PARP4: variants seen among roughly 807,000 people sequenced by gnomAD.
The protein encoded by PARP4 is protein mono-ADP-ribosyltransferase PARP4.
A neutral mutation model predicts 187.7 loss-of-function variants in PARP4; 120 were observed. The ratio of observed to expected loss-of-function variants is 0.64; its 90% confidence interval spans 0.55 to 0.74. The LOEUF (loss-of-function observed/expected upper bound fraction) is 0.74. Ranked by LOEUF, PARP4 falls within the 30% of genes least tolerant of loss-of-function variation. PARP4 has a pLI of 0.00. For missense variants in PARP4, 1,836 were observed against 2,070.5 expected, an observed-to-expected ratio of 0.89 and a Z score of 2.20; for synonymous variants, 654 against 740.9, an observed-to-expected ratio of 0.88 and a Z score of 1.90.
At chr13:24,424,935 G>A (rs1487302523) in intron 33 of PARP4, among the ~76,000 whole-genome samples, 5 of 151,162 alleles carry the variant, frequency 3.3e-5, no homozygotes, top group African/African-American at 9.8e-5. Flanking sequence ...TGCCCACCTC[G>A]GCCTCCCAAA....
intron 10 of PARP4, among the ~76,000 whole-genome samples, chr13:24,487,365 T>C (rs1873621211): frequency 6.6e-6 from 1 of 152,136 alleles, no homozygotes; most frequent in South Asian, 2.1e-4. Context: ...GTGACATTTA[T>C]TGGAATGTGG....
chr13:24,458,560 G>A (rs1872010959), intron 20 of PARP4, among the ~76,000 whole-genome samples: 1 of 152,042 alleles, frequency 6.6e-6, no homozygotes. Context: ...CTGGGTGACA[G>A]AGCAAGACCC....
At chr13:24,511,548 T>C (rs1050094770) in intron 1 of PARP4, among the ~76,000 whole-genome samples, 1 of 152,208 alleles carries the variant, frequency 6.6e-6, no homozygotes, top group African/African-American at 2.4e-5. Context: ...TCACAAACTC[T>C]TGGCTGCTCC....
At chr13:24,486,649 A>G (rs1873573673) in intron 10 of PARP4, among the ~76,000 whole-genome samples, 1 of 152,166 alleles carries the variant, frequency 6.6e-6, no homozygotes, top group Non-Finnish European at 1.5e-5. Flanking sequence ...TTCAACAACA[A>G]TAAAAAAGAA....
chr13:24,464,551 G>T (rs559027648), intron 17 of PARP4, among the ~76,000 whole-genome samples: 2 of 152,280 alleles, frequency 1.3e-5, no homozygotes, highest in South Asian at 2.1e-4. Flanking sequence ...ATGGGGAAAA[G>T]ATTCCCTATT....
rs1184284558 is a variant in PARP4 at position 24,473,524 on chromosome 13, A to AACCTGG, written c.1914+1947_1914+1948insCCAGGT. Among the ~76,000 whole-genome samples, 285 of 152,354 alleles carry AACCTGG rather than the reference A, an allele frequency of 1.9e-3. 1 individual carries two copies. The highest frequency in any genetic ancestry group is 6.3e-3 in the African/African-American group (263 of 41,576). On this transcript the variant is annotated intron_variant, in intron 15 of 33. Coordinates refer to ENST00000381989, the MANE Select transcript of PARP4 (RefSeq NM_006437.4). Reference sequence around the variant, plus strand: ...TAAAACATAGAGAAGGGTATAGAGAAGGAAGCAGTTCCAGCAATTCCCCTC... The same window carrying AACCTGG: ...TAAAACATAGAGAAGGGTATAGAGAAACCTGGGGAAGCAGTTCCAGCAATTCCCCTC...
At chr13:24,439,144 C>A (rs1356843820) in intron 30 of PARP4, among the ~76,000 whole-genome samples, 1 of 151,932 alleles carries the variant, frequency 6.6e-6, no homozygotes, top group Non-Finnish European at 1.5e-5. Flanking sequence ...AATTTAGAAC[C>A]AATTTTGAAA....
intron 12 of PARP4, among the ~76,000 whole-genome samples, chr13:24,478,970 G>C (rs1873124962): frequency 1.3e-5 from 2 of 152,172 alleles, no homozygotes; most frequent in African/African-American, 2.4e-5. Context: ...GCTCAGAAAG[G>C]AATAAGAACC....
Position 24,445,059 on chromosome 13 carries a change from T to C in PARP4, c.3367-1329A>G, listed in dbSNP as rs928930336. ...CTTCCCCTCACCCTCCCACAACCTG[T>C]CCCCACCTCCCCCAGGAGCCCCACA... is the stretch of plus-strand genomic sequence containing the variant. On this transcript the variant is annotated intron_variant, in intron 27 of 33. Coordinates refer to ENST00000381989, the MANE Select transcript of PARP4 (RefSeq NM_006437.4). Among the ~76,000 whole-genome samples, 58 of 151,662 alleles carry C rather than the reference T, an allele frequency of 3.8e-4. 1 individual carries two copies. Among genetic ancestry groups the C allele is most frequent in the Non-Finnish European group, 6.9e-4 (47 of 67,660 alleles).
chr13:24,512,355 G>A (rs1236073397), intron 1 of PARP4, among the ~76,000 whole-genome samples: 4 of 152,210 alleles, frequency 2.6e-5, no homozygotes, highest in Non-Finnish European at 5.9e-5. Flanking sequence ...AGGAAAGAAG[G>A]CCGTTTGGCA....
intron 31 of PARP4, among the ~76,000 whole-genome samples, chr13:24,432,904 T>C (rs1870418606): frequency 6.6e-6 from 1 of 152,080 alleles, no homozygotes. Context: ...GAAAGCAGGG[T>C]GTGGTCCTAG....
At chr13:24,447,599 G>A (rs1389426313) in intron 25 of PARP4, among the ~76,000 whole-genome samples, 6 of 152,220 alleles carry the variant, frequency 3.9e-5, no homozygotes, top group Admixed American at 6.5e-5. Flanking sequence ...GACCTCAGGT[G>A]AGCCATCTGC....
intron 22 of PARP4, among the ~76,000 whole-genome samples, chr13:24,454,488 T>C (rs1293861206): frequency 6.6e-6 from 1 of 152,186 alleles, no homozygotes; most frequent in Non-Finnish European, 1.5e-5. Flanking sequence ...GGGCCCCATC[T>C]GGAGGGTGGT....
At chr13:24,475,400 A>G in intron 15 of PARP4, 72 bp downstream of exon 15, 1 of 1,372,588 alleles carries the variant, frequency 7.3e-7, no homozygotes, top group South Asian at 1.2e-5. Flanking sequence ...CAGTTCATGC[A>G]ACTGCAATCA....
In PARP4 at chr13:24,499,423, T is replaced by A. The variant is rs972793663; in HGVS notation, c.402-47A>T. ...TAAAATTTTAACATTAAATGGATTT[T>A]AGGCTAAACAGAATTTCATAAATTT... is the stretch of plus-strand genomic sequence containing the variant. On this transcript the variant is annotated intron_variant, in intron 4 of 33. Transcript: ENST00000381989. 2.0e-6 allele frequency: 3 copies of A among 1,470,000 alleles called. No homozygotes were observed. The African/African-American group carries it at 4.3e-5, about 21-fold the overall frequency. 91.1% of individuals were successfully genotyped at this position (1,470,000 alleles called of 1,614,324 possible).
At chr13:24,504,157 A>G (rs897801234) in intron 1 of PARP4, among the ~76,000 whole-genome samples, 2 of 152,180 alleles carry the variant, frequency 1.3e-5, no homozygotes, top group African/African-American at 2.4e-5. Context: ...TCTTTAATAT[A>G]TAATTCTATG....
intron 31 of PARP4, among the ~76,000 whole-genome samples, chr13:24,432,795 C>T (rs1406252063): frequency 1.3e-5 from 2 of 152,064 alleles, no homozygotes; most frequent in Non-Finnish European, 2.9e-5. Flanking sequence ...ATCTGCCTGC[C>T]CCATCACATG....
Position 24,435,222 on chromosome 13 carries a change from G to C in PARP4, c.3919C>G (p.Pro1307Ala), listed in dbSNP as rs757472627. The C allele has an allele frequency of 6.2e-7, 1 of 1,614,146 alleles. No homozygotes were observed. Among genetic ancestry groups the C allele is most frequent in the South Asian group, 1.1e-5 (1 of 91,076 alleles). The change falls in exon 31 of 34, where the codon CCA becomes GCA. Residue 1307 changes from proline (P) to alanine (A), a missense_variant. This residue lies in a region of PARP4 where 450 missense variants were observed against 439.2 expected (regional missense o/e 1.02). Coordinates refer to ENST00000381989, the MANE Select transcript of PARP4 (RefSeq NM_006437.4). ...AAGCTAGAAGTAGATGTTTCCCATG[G>C]ACTGACTTTCTTAAATAGTGGTTCA... ...ATEPLFKKVS[P>A]WETSTSSFFP...
At chr13:24,491,522 A>T (rs1448716637) in intron 9 of PARP4, among the ~76,000 whole-genome samples, 1 of 152,216 alleles carries the variant, frequency 6.6e-6, no homozygotes, top group Non-Finnish European at 1.5e-5. Context: ...TGGATTACTG[A>T]TTCCTCTGGG....
Sources: allele counts gnomAD v4.1 joint callset (sites outside exome capture counted in the v4.1 genomes callset), GRCh38; gene constraint gnomAD v4.1.1; regional missense constraint gnomAD v4.1.1; transcripts MANE v1.5; gene names NCBI Gene and HGNC (gene_info 2026-07-23, HGNC 2026-07-21).